The following FAM81B variants were observed in gnomAD, a reference collection of about 807,000 sequenced individuals.
FAM81B encodes the protein family with sequence similarity 81 member B.
Under a neutral mutation model 58.7 loss-of-function variants are expected in FAM81B, and 60 were observed. The ratio of observed to expected loss-of-function variants is 1.02; its 90% CI spans 0.83 to 1.27. The LOEUF (loss-of-function observed/expected upper bound fraction) is 1.27. FAM81B is among the 50% of genes most tolerant of loss of function. The pLI, the probability that FAM81B is intolerant of heterozygous loss-of-function variation, is 0.00. For missense variants in FAM81B, 491 were observed against 522.0 expected (o/e 0.94, Z 0.58); for synonymous variants, 189 against 179.6 (o/e 1.05, Z -0.42).
chr5:95,409,422 C>G (rs927884226), intron 3 of FAM81B, among the ~76,000 whole-genome samples: 7 of 136,338 alleles, frequency 5.1e-5, no homozygotes, highest in Non-Finnish European at 1.1e-4. Context: ...GCCTCCCAAA[C>G]TGCTGGGATT....
intron 5 of FAM81B, among the ~76,000 whole-genome samples, chr5:95,426,913 G>A (rs1448308820): frequency 6.6e-6 from 1 of 152,194 alleles, no homozygotes; most frequent in Non-Finnish European, 1.5e-5. Flanking sequence ...GCCAGGCGTG[G>A]TGGCGCATGC....
chr5:95,427,855 G>T (rs991652164), intron 5 of FAM81B, among the ~76,000 whole-genome samples: 1 of 152,092 alleles, frequency 6.6e-6, no homozygotes, highest in Non-Finnish European at 1.5e-5. Flanking sequence ...AGAGAGTCAC[G>T]GGTAACAGTT....
intron 7 of FAM81B, among the ~76,000 whole-genome samples, chr5:95,441,189 G>C (rs1201906312): frequency 6.6e-6 from 1 of 152,122 alleles, no homozygotes; most frequent in Non-Finnish European, 1.5e-5. Flanking sequence ...AAGAGCCTCG[G>C]CTTCCATAGC....
chr5:95,450,261 A>G lies in FAM81B; in HGVS notation c.1338A>G (p.Ile446Met). Residue 446 changes from isoleucine to methionine, a missense_variant, in exon 10 of 10, where the codon ATA becomes ATG. Ile to Met is a conservative substitution (Grantham distance 10, BLOSUM62 1). Transcript: ENST00000283357. ...ACCTAAAGAAATTACAGCGCAAGAT[A>G]GTGGAACTCCAGGAAGTATAAACCT... ...QKDLKKLQRK[I>M]VELQEV 1.2e-6 allele frequency: 2 copies of G among 1,612,814 alleles called. No individual in the cohort carries two copies. The highest frequency in any genetic ancestry group is 1.7e-6 in the Non-Finnish European group (2 of 1,179,484).
intron 3 of FAM81B, among the ~76,000 whole-genome samples, chr5:95,410,998 A>T (rs141778354): frequency 3.3e-5 from 5 of 152,356 alleles, no homozygotes; most frequent in African/African-American, 1.2e-4. Context: ...CAGGATAGTA[A>T]GAAATCCCCA....
Position 95,450,246 on chromosome 5 carries a change from A to G in FAM81B, c.1323A>G (p.Lys441=). ...EKYKVQKDLK[K]LQRKIVELQE... ...ATAAAGTACAGAAAGACCTAAAGAA[A>G]TTACAGCGCAAGATAGTGGAACTCC... The change falls in exon 10 of 10, where the codon AAA becomes AAG. Residue 441 remains lysine (K), a synonymous_variant. Coordinates refer to ENST00000283357, the MANE Select transcript of FAM81B (RefSeq NM_152548.3). 1 of 1,613,358 alleles carries G rather than the reference A, an allele frequency of 6.2e-7. No homozygotes were observed.
chr5:95,446,977 C>G (rs1385169920), intron 8 of FAM81B, among the ~76,000 whole-genome samples: 1 of 151,666 alleles, frequency 6.6e-6, no homozygotes, highest in Admixed American at 6.6e-5. Context: ...GATTGCCACC[C>G]CAGACCCAGA....
chr5:95,396,084 A>T, intron 2 of FAM81B, 27 bp from the exon 3 acceptor site: 1 of 1,564,004 alleles, frequency 6.4e-7, no homozygotes, highest in Non-Finnish European at 8.8e-7. Context: ...CAGATGATAT[A>T]TTCTGAATCT....
Position 95,448,346 on chromosome 5 carries a change from A to C in FAM81B, c.1107A>C (p.Lys369Asn), listed in dbSNP as rs1264914034. The C allele has an allele frequency of 6.2e-7, 1 of 1,612,526 alleles. No homozygotes were observed. The highest frequency in any genetic ancestry group is 2.2e-5 in the East Asian group (1 of 44,810). The change falls in exon 9 of 10, where the codon AAA (lysine) becomes AAC (asparagine). Residue 369 changes from lysine to asparagine, a missense_variant. Transcript: ENST00000283357. ...SKVENFINTQKQETQLSKVKH... is the reference protein window; with the variant it reads ...SKVENFINTQNQETQLSKVKH... ...TAGAGAATTTCATTAACACACAGAA[A>C]CAGGAAACACAACTAAGTAAAGTAA...
At position 95,446,556 on chromosome 5, in the gene FAM81B, CCATAG is replaced by C. The variant is rs1272138915; in HGVS notation, c.894-5_894-1del. The C allele has an allele frequency of 6.4e-7, 1 of 1,566,278 alleles. No homozygotes were observed. Among genetic ancestry groups the C allele is most frequent in the East Asian group, 2.3e-5 (1 of 44,254 alleles). On this transcript the variant is annotated splice_acceptor_variant and splice_polypyrimidine_tract_variant and intron_variant, in intron 7 of 9. Transcript: ENST00000283357. LOFTEE classifies it high-confidence loss of function. ...TTTAAATGAAACAAAACATTTTTTC[CCATAG>C]ATTTCATTCACTTTCAAGTAATCTG...
Position 95,414,194 on chromosome 5 carries a change from G to A in FAM81B, c.537+4G>A. ...AAAACTCAGCCAAAATATTGAGGTA[G>A]TTCTCTTTTTGTTTTATTTTGTTTT... is the stretch of plus-strand genomic sequence containing the variant. On this transcript the variant is annotated splice_donor_region_variant and intron_variant, in intron 4 of 9. Coordinates refer to ENST00000283357, the MANE Select transcript of FAM81B (RefSeq NM_152548.3). 6.3e-7 allele frequency: 1 copy of A among 1,588,588 alleles called. No homozygotes were observed. The highest frequency in any genetic ancestry group is 8.6e-7 in the Non-Finnish European group (1 of 1,168,608).
intron 6 of FAM81B, among the ~76,000 whole-genome samples, chr5:95,432,697 T>C (rs950288480): frequency 4.6e-5 from 7 of 152,088 alleles, no homozygotes; most frequent in African/African-American, 1.7e-4. Flanking sequence ...TTATGCAAAA[T>C]GCTTTTAGGG....
At chr5:95,441,470 G>A (rs564421805) in intron 7 of FAM81B, among the ~76,000 whole-genome samples, 39 of 152,180 alleles carry the variant, frequency 2.6e-4, no homozygotes, top group African/African-American at 8.2e-4. Context: ...TCGGGAGGCT[G>A]AAGCAGGAGA....
At chr5:95,435,571 TAA>T (rs1332643723) in intron 6 of FAM81B, among the ~76,000 whole-genome samples, 1 of 152,190 alleles carries the variant, frequency 6.6e-6, no homozygotes, top group Admixed American at 6.5e-5. Context: ...ACTTGACCAG[TAA>T]AGAGTCAAGA....
chr5:95,394,908 C>G (rs1387216354), intron 2 of FAM81B, among the ~76,000 whole-genome samples: 1 of 152,036 alleles, frequency 6.6e-6, no homozygotes, highest in African/African-American at 2.4e-5. Flanking sequence ...AGTAGTAATT[C>G]CTTGGGCATT....
At chr5:95,394,437 A>G (rs1761909816) in intron 2 of FAM81B, among the ~76,000 whole-genome samples, 1 of 152,102 alleles carries the variant, frequency 6.6e-6, no homozygotes, top group Non-Finnish European at 1.5e-5. Context: ...AGATCCCCAC[A>G]CAGACCAGAG....
At chr5:95,396,381 C>G (rs1761967163) in intron 3 of FAM81B, among the ~76,000 whole-genome samples, 1 of 152,192 alleles carries the variant, frequency 6.6e-6, no homozygotes, top group South Asian at 2.1e-4. Flanking sequence ...ATTGACAGAA[C>G]AAGCAGATTT....
intron 4 of FAM81B, among the ~76,000 whole-genome samples, chr5:95,420,059 T>C (rs909939180): frequency 1.3e-5 from 2 of 151,590 alleles, no homozygotes; most frequent in African/African-American, 4.9e-5. Context: ...TAAAACACTA[T>C]TGAGACATCT....
intron 6 of FAM81B, among the ~76,000 whole-genome samples, chr5:95,429,055 A>G (rs905951666): frequency 6.6e-6 from 1 of 152,214 alleles, no homozygotes; most frequent in African/African-American, 2.4e-5. Flanking sequence ...AATATAAACA[A>G]AAGAACTTCC....
Sources: allele counts gnomAD v4.1 joint callset (sites outside exome capture counted in the v4.1 genomes callset), GRCh38; gene constraint gnomAD v4.1.1; transcripts MANE v1.5; gene names NCBI Gene and HGNC (gene_info 2026-07-23, HGNC 2026-07-21).